The following DESI2 variants were observed in gnomAD, a reference collection of about 807,000 sequenced individuals.
DESI2 encodes the protein deubiquitinase DESI2.
DESI2 carries 10 observed loss-of-function variants against 24.1 expected under a neutral mutation model. The observed-to-expected ratio is 0.41, with a 90% CI of 0.26 to 0.70. The LOEUF is 0.70. Ranked by LOEUF, DESI2 falls within the 30% of genes least tolerant of loss-of-function variation. DESI2 has a pLI of 0.29. For synonymous variants in DESI2, 71 were observed against 87.7 expected (o/e 0.81, Z 1.06); for missense variants, 122 against 234.9 (o/e 0.52, Z 3.14).
chr1:244,694,694 T>A, intron 4 of DESI2: 1 of 738,104 alleles, frequency 1.4e-6, no homozygotes, highest in Non-Finnish European at 2.5e-6. Flanking sequence ...TGCGACGCTT[T>A]CCAAACGATG....
At chr1:244,663,887 G>C (rs528330070) in intron 1 of DESI2, among the ~76,000 whole-genome samples, 1 of 151,904 alleles carries the variant, frequency 6.6e-6, no homozygotes, top group Non-Finnish European at 1.5e-5. Flanking sequence ...GCGTGGTGGC[G>C]GGCGCCTGTA....
At chr1:244,700,873 G>C (rs948818723) in intron 4 of DESI2, among the ~76,000 whole-genome samples, 1 of 152,162 alleles carries the variant, frequency 6.6e-6, no homozygotes, top group African/African-American at 2.4e-5. Flanking sequence ...GAAGGTTAAG[G>C]TTTTTTGTTG....
At chr1:244,665,837 G>A (rs889269788) in intron 1 of DESI2, among the ~76,000 whole-genome samples, 1 of 152,182 alleles carries the variant, frequency 6.6e-6, no homozygotes, top group African/African-American at 2.4e-5. Flanking sequence ...AGTTGTGTGA[G>A]CCAGTTCCTT....
chr1:244,694,428 T>C, intron 4 of DESI2: 1 of 743,562 alleles, frequency 1.3e-6, no homozygotes, highest in Non-Finnish European at 2.5e-6. Context: ...TCGTTGAAAT[T>C]CTTAAGATGA....
Position 244,653,238 on chromosome 1 carries a change from C to T in DESI2, c.-76C>T. On this transcript the variant is annotated 5_prime_UTR_variant, in exon 1 of 5. Transcript: ENST00000302550. ...CCCGGCTCAGGCCCCCTGAAGCGCC[C>T]GCGGGGGTGAGAGCGGCCTCCGGCC... 2.8e-6 allele frequency: 4 copies of T among 1,412,246 alleles called. No individual in the cohort carries two copies. The highest frequency in any genetic ancestry group is 3.7e-6 in the Non-Finnish European group (4 of 1,075,522). The allele number at this position is 1,412,246 out of a possible 1,614,324, so 87.5% of individuals were successfully genotyped here. A position where few individuals can be genotyped will look rare whatever the true frequency, so the allele number is the denominator to read the frequency against.
chr1:244,700,599 T>A (rs189802467), intron 4 of DESI2, among the ~76,000 whole-genome samples: 1 of 152,328 alleles, frequency 6.6e-6, no homozygotes, highest in African/African-American at 2.4e-5. Flanking sequence ...ACTACTGAAT[T>A]GATAATTGTT....
intron 1 of DESI2, among the ~76,000 whole-genome samples, chr1:244,675,499 A>G (rs1170519155): frequency 1.3e-5 from 2 of 152,108 alleles, no homozygotes; most frequent in Non-Finnish European, 2.9e-5. Context: ...TTGCATGTGG[A>G]TTTCCAGTTG....
At chr1:244,655,975 T>C (rs1675633931) in intron 1 of DESI2, among the ~76,000 whole-genome samples, 1 of 152,250 alleles carries the variant, frequency 6.6e-6, no homozygotes, top group Admixed American at 6.5e-5. Context: ...GTTGTTTAGA[T>C]TGAGATACAA....
chr1:244,681,037 A>T (rs1201031120), intron 1 of DESI2, among the ~76,000 whole-genome samples: 1 of 144,942 alleles, frequency 6.9e-6, no homozygotes, highest in Non-Finnish European at 1.5e-5. Flanking sequence ...ATTCTTTTTG[A>T]TGTTCACCTT....
intron 1 of DESI2, among the ~76,000 whole-genome samples, chr1:244,675,150 T>C (rs1237854877): frequency 2.6e-5 from 4 of 152,224 alleles, no homozygotes; most frequent in Non-Finnish European, 1.5e-5. Context: ...AGTAGGGTTA[T>C]GTGTCTCGTT....
At chr1:244,699,403 G>A (rs1677349044) in intron 4 of DESI2, among the ~76,000 whole-genome samples, 1 of 146,154 alleles carries the variant, frequency 6.8e-6, no homozygotes, top group Non-Finnish European at 1.5e-5. Flanking sequence ...CCAACAGGAT[G>A]TACAACAGGA....
rs142138733 is a variant in DESI2 at position 244,664,713 on chromosome 1, A to G, written c.42+11358A>G. 1.1e-3 allele frequency among the ~76,000 whole-genome samples: 169 copies of G among 152,368 alleles called. 3 individuals are homozygous for G. Among genetic ancestry groups the G allele is most frequent in the Middle Eastern group, 6.8e-3 (2 of 294 alleles). ...CCCTGTCTCAAAAATAAATACAAATAGGACCAAGCATATAAGTTATGAAAT... is the reference window on the plus strand; with the variant it reads ...CCCTGTCTCAAAAATAAATACAAATGGGACCAAGCATATAAGTTATGAAAT... On this transcript the variant is annotated intron_variant, in intron 1 of 4. Transcript: ENST00000302550.
At chr1:244,685,433 C>T (rs529932797) in intron 1 of DESI2, among the ~76,000 whole-genome samples, 1 of 152,298 alleles carries the variant, frequency 6.6e-6, no homozygotes, top group Non-Finnish European at 1.5e-5. Context: ...GTACCAGGAT[C>T]TGTTCCTGCA....
chr1:244,689,480 A>G lies in DESI2; in HGVS notation c.209+138A>G. ...TTTGTTTTAATTGCTGACATTTTAT[A>G]TAACTCAAGTTTGCCTCAGGAAACT... On this transcript the variant is annotated intron_variant, in intron 3 of 4. Transcript: ENST00000302550. The surrounding 1 kb of genome is among the most constrained non-coding windows in gnomAD (Gnocchi z 4.0). 1 of 560,524 alleles carries G rather than the reference A, an allele frequency of 1.8e-6. No individual in the cohort carries two copies. Among genetic ancestry groups the G allele is most frequent in the Non-Finnish European group, 3.2e-6 (1 of 311,888 alleles). The allele number at this position is 560,524 out of a possible 1,614,324, so 34.7% of individuals were successfully genotyped here.
chr1:244,668,479 A>G (rs1202643651), intron 1 of DESI2, among the ~76,000 whole-genome samples: 4 of 152,184 alleles, frequency 2.6e-5, no homozygotes, highest in Non-Finnish European at 5.9e-5. Context: ...CTTTTTTGAG[A>G]AATAAGTCAA....
intron 1 of DESI2, chr1:244,654,150 A>G (rs1445602445): frequency 5.0e-6 from 2 of 396,110 alleles, no homozygotes; most frequent in African/African-American, 4.2e-5. Flanking sequence ...TGATTTTTGC[A>G]GTGAAATGCC....
chr1:244,654,157 T>C (rs1360791242), intron 1 of DESI2: 1 of 385,620 alleles, frequency 2.6e-6, no homozygotes, highest in Non-Finnish European at 5.2e-6. Context: ...TGCAGTGAAA[T>C]GCCCCCAGAA....
At chr1:244,695,378 G>C (rs948956943) in intron 4 of DESI2, among the ~76,000 whole-genome samples, 5 of 152,212 alleles carry the variant, frequency 3.3e-5, no homozygotes, top group African/African-American at 1.2e-4. Flanking sequence ...TTTCGGCCAG[G>C]CATGGTGGCT....
intron 1 of DESI2, among the ~76,000 whole-genome samples, chr1:244,656,933 C>T (rs1269334559): frequency 6.6e-6 from 1 of 152,172 alleles, no homozygotes; most frequent in East Asian, 1.9e-4. Context: ...TGCCATCATG[C>T]CCGGCTAATT....
Sources: gnomAD v4.1 joint callset for allele counts (sites outside exome capture counted in the v4.1 genomes callset) on GRCh38, gnomAD v4.1.1 for gene constraint, Gnocchi (gnomAD v3.1) non-coding constraint, MANE v1.5 for transcripts, NCBI Gene and HGNC (gene_info 2026-07-23, HGNC 2026-07-21) for gene names.